ITFG1: variants seen among roughly 807,000 people sequenced by gnomAD.
ITFG1 encodes integrin alpha FG-GAP repeat containing 1.
Under a neutral mutation model 81.8 loss-of-function variants are expected in ITFG1, and 34 were observed. The observed-to-expected ratio is 0.42, with a 90% CI of 0.32 to 0.55. The LOEUF (loss-of-function observed/expected upper bound fraction) is 0.55, where lower values mean the gene tolerates loss of function less well. Ranked by LOEUF, ITFG1 falls within the 20% of genes least tolerant of loss-of-function variation. The pLI is 0.17. For synonymous variants in ITFG1, 285 were observed against 270.6 expected, an observed-to-expected ratio of 1.05 and a Z score of -0.52; for missense variants, 672 against 755.4, an observed-to-expected ratio of 0.89 and a Z score of 1.29.
intron 8 of ITFG1, among the ~76,000 whole-genome samples, chr16:47,326,170 T>C (rs1331635345): frequency 6.6e-6 from 1 of 152,160 alleles, no homozygotes; most frequent in African/African-American, 2.4e-5. Flanking sequence ...TGGTTCAACA[T>C]ACGAAAATCA....
chr16:47,442,779 C>A (rs1459677364), intron 5 of ITFG1, among the ~76,000 whole-genome samples: 13 of 152,114 alleles, frequency 8.5e-5, no homozygotes, highest in African/African-American at 2.2e-4. Context: ...TACATGTTAG[C>A]CCTAAAACCA....
rs1417106291 is a variant in ITFG1, at chr16:47,428,909, AAAT to A, written c.561-14_561-12del. 4 of 1,495,760 alleles carry A rather than the reference AAAT, an allele frequency of 2.7e-6. No individual in the cohort carries two copies. The African/African-American group carries it at 5.6e-5, about 21-fold the overall frequency. 92.7% of individuals were successfully genotyped at this position (1,495,760 alleles called of 1,614,324 possible). A position where few individuals can be genotyped will look rare whatever the true frequency, so the allele number is the denominator to read the frequency against. ...TGCCATGATAAATTCCTAAAAAATAAAATAAAAATACTTTTCTTAAGGCAAACA... is the reference window on the plus strand; with the variant it reads ...TGCCATGATAAATTCCTAAAAAATAAAAAAATACTTTTCTTAAGGCAAACA... On this transcript the variant is annotated splice_polypyrimidine_tract_variant and intron_variant, in intron 5 of 17. Transcript: ENST00000320640.
intron 8 of ITFG1, among the ~76,000 whole-genome samples, chr16:47,353,459 T>C (rs572150249): frequency 5.2e-4 from 79 of 152,006 alleles, no homozygotes; most frequent in African/African-American, 1.8e-3. Flanking sequence ...AAGGAAAAAG[T>C]TGAAAGAAAG....
chr16:47,180,917 C>T (rs1160144548), intron 14 of ITFG1, among the ~76,000 whole-genome samples: 1 of 151,532 alleles, frequency 6.6e-6, no homozygotes, highest in Admixed American at 6.6e-5. Context: ...TGCCCGGCTG[C>T]CATCCTGTCT....
rs138050864 is a variant in ITFG1 at position 47,302,766 on chromosome 16, A to G, written c.1070+8474T>C. 7.5e-3 allele frequency among the ~76,000 whole-genome samples: 1,150 copies of G among 152,348 alleles called. 19 individuals are homozygous for G. The highest frequency in any genetic ancestry group is 0.026 in the African/African-American group (1,091 of 41,578). ...GCTTCATTTCACAGATGCAGAAATT[A>G]TGACACTAAGCCAGGCCTTTAAAGC... On this transcript the variant is annotated intron_variant, in intron 10 of 17. Transcript: ENST00000320640.
chr16:47,421,682 T>G (rs1968951745), intron 6 of ITFG1, among the ~76,000 whole-genome samples: 2 of 152,168 alleles, frequency 1.3e-5, no homozygotes, highest in African/African-American at 4.8e-5. Context: ...AATTATTCCT[T>G]TTTTTTAAAA....
chr16:47,182,179 TA>T (rs544895364), intron 14 of ITFG1, among the ~76,000 whole-genome samples: 302 of 126,802 alleles, frequency 2.4e-3, no homozygotes, highest in Middle Eastern at 3.9e-3. Flanking sequence ...AATGATCAAT[TA>T]AAAAAAAAAA....
At chr16:47,268,391 C>G (rs1201460125) in intron 10 of ITFG1, among the ~76,000 whole-genome samples, 3 of 152,124 alleles carry the variant, frequency 2.0e-5, no homozygotes, top group African/African-American at 7.2e-5. Context: ...AAGAAAACTC[C>G]AGACCGAAAT....
At chr16:47,316,872 A>G (rs1401345660) in intron 8 of ITFG1, among the ~76,000 whole-genome samples, 1 of 152,218 alleles carries the variant, frequency 6.6e-6, no homozygotes, top group African/African-American at 2.4e-5. Flanking sequence ...AGTAGATTAC[A>G]AAGAAGGGCA....
chr16:47,430,345 C>T (rs780708482), intron 5 of ITFG1, among the ~76,000 whole-genome samples: 3 of 151,908 alleles, frequency 2.0e-5, no homozygotes, highest in Admixed American at 6.6e-5. Context: ...GGATTACAGG[C>T]GTGAGCCACC....
chr16:47,172,181 A>G (rs1375583044), intron 14 of ITFG1, among the ~76,000 whole-genome samples: 3 of 152,174 alleles, frequency 2.0e-5, no homozygotes, highest in African/African-American at 7.2e-5. Flanking sequence ...CCAAGTTAAT[A>G]TATTCAAAAC....
At chr16:47,231,816 T>G (rs187539541) in intron 13 of ITFG1, among the ~76,000 whole-genome samples, 1 of 152,324 alleles carries the variant, frequency 6.6e-6, no homozygotes, top group East Asian at 1.9e-4. Flanking sequence ...TCCAAAGATG[T>G]CCATGTCCTA....
At chr16:47,286,975 G>A (rs184484678) in intron 10 of ITFG1, among the ~76,000 whole-genome samples, 1 of 152,254 alleles carries the variant, frequency 6.6e-6, no homozygotes, top group African/African-American at 2.4e-5. Flanking sequence ...CTCTCAGGTA[G>A]TTCACATTCA....
intron 14 of ITFG1, chr16:47,196,239 G>T (rs1965356060): frequency 6.7e-6 from 1 of 149,498 alleles, no homozygotes. Context: ...TGCATGGTGT[G>T]GTCTGAGCAA....
chr16:47,348,227 T>G (rs568565965), intron 8 of ITFG1, among the ~76,000 whole-genome samples: 149 of 152,134 alleles, frequency 9.8e-4, no homozygotes, highest in Non-Finnish European at 1.8e-3. Flanking sequence ...CTTTGACGAG[T>G]TAAGAGAAGA....
intron 10 of ITFG1, among the ~76,000 whole-genome samples, chr16:47,307,706 T>A (rs967175913): frequency 6.6e-6 from 1 of 152,230 alleles, no homozygotes; most frequent in Non-Finnish European, 1.5e-5. Context: ...GTATACTGCA[T>A]GGTACTGAGT....
intron 8 of ITFG1, among the ~76,000 whole-genome samples, chr16:47,338,702 G>A (rs1023542996): frequency 1.1e-4 from 16 of 150,520 alleles, no homozygotes; most frequent in African/African-American, 3.9e-4. Flanking sequence ...CATAGAAGGT[G>A]TATACATTCA....
At chr16:47,230,190 A>G (rs1279475794) in intron 13 of ITFG1, among the ~76,000 whole-genome samples, 1 of 152,180 alleles carries the variant, frequency 6.6e-6, no homozygotes, top group Non-Finnish European at 1.5e-5. Context: ...GGAACCTGAA[A>G]ATCACCAACA....
intron 10 of ITFG1, among the ~76,000 whole-genome samples, chr16:47,267,287 A>C (rs1966288102): frequency 6.6e-6 from 1 of 152,192 alleles, no homozygotes; most frequent in Non-Finnish European, 1.5e-5. Context: ...AATAAGAGAG[A>C]AGGTAGACTT....
Sources: allele counts gnomAD v4.1 joint callset (sites outside exome capture counted in the v4.1 genomes callset), GRCh38; gene constraint gnomAD v4.1.1; transcripts MANE v1.5; gene names NCBI Gene and HGNC (gene_info 2026-07-23, HGNC 2026-07-21).